Variants in ENOX1 observed in about 807,000 individuals in gnomAD.
ENOX1 encodes the protein ecto-NOX disulfide-thiol exchanger 1.
ENOX1 carries 42 observed loss-of-function variants against 82.5 expected under a neutral mutation model. The observed-to-expected ratio is 0.51, with a 90% CI of 0.40 to 0.66. The LOEUF (loss-of-function observed/expected upper bound fraction) is 0.66. ENOX1 is among the 30% of genes least tolerant of loss of function. The pLI is 0.00. For synonymous variants in ENOX1, 271 were observed against 282.2 expected, an observed-to-expected ratio of 0.96 and a Z score of 0.40; for missense variants, 608 against 811.6, an observed-to-expected ratio of 0.75 and a Z score of 3.05.
intron 15 of ENOX1, among the ~76,000 whole-genome samples, chr13:43,229,418 G>A (rs2042175873): frequency 6.6e-6 from 1 of 152,168 alleles, no homozygotes; most frequent in Non-Finnish European, 1.5e-5. Context: ...CACATACAGT[G>A]CAAAGGCCCT....
At position 43,460,811 on chromosome 13, in the gene ENOX1, AAAAAAAAAAAAAAAAAAAAT is replaced by A. The variant is rs1218382168; in HGVS notation, c.-75+23178_-75+23197del. 7.7e-5 allele frequency among the ~76,000 whole-genome samples: 8 copies of A among 104,142 alleles called. 2 individuals carry two copies. The highest frequency in any genetic ancestry group is 1.4e-4 in the Non-Finnish European group (7 of 51,414). 68.3% of individuals were successfully genotyped at this position (104,142 alleles called of 152,430 possible). On this transcript the variant is annotated intron_variant, in intron 3 of 16. Transcript: ENST00000690772. ...TCCATCTCAAAAAAAAAAAAAAAAA[AAAAAAAAAAAAAAAAAAAAT>A]AGGGATAGCTCTCTACAAACCAAGG...
chr13:43,661,919 G>T (rs1401498404), intron 2 of ENOX1, among the ~76,000 whole-genome samples: 1 of 152,148 alleles, frequency 6.6e-6, no homozygotes. Flanking sequence ...CATTATCTTA[G>T]AAGCCAAATG....
intron 8 of ENOX1, among the ~76,000 whole-genome samples, chr13:43,349,968 T>C (rs1277501447): frequency 6.6e-6 from 1 of 152,146 alleles, no homozygotes; most frequent in African/African-American, 2.4e-5. Context: ...TAGAGATTAC[T>C]ATAGACCCTT....
At chr13:43,616,627 G>T (rs1300118449) in intron 2 of ENOX1, among the ~76,000 whole-genome samples, 6 of 152,212 alleles carry the variant, frequency 3.9e-5, no homozygotes, top group Non-Finnish European at 8.8e-5. Context: ...TTCTGCTCAT[G>T]TGTAAGAAAA....
intron 1 of ENOX1, among the ~76,000 whole-genome samples, chr13:43,671,807 G>A (rs1164764822): frequency 6.6e-6 from 1 of 152,144 alleles, no homozygotes; most frequent in Non-Finnish European, 1.5e-5. Context: ...TCTGAATTCA[G>A]GGACTAGGCT....
chr13:43,728,461 C>T (rs1432804486), intron 1 of ENOX1, among the ~76,000 whole-genome samples: 1 of 152,144 alleles, frequency 6.6e-6, no homozygotes, highest in Non-Finnish European at 1.5e-5. Flanking sequence ...TCTAAGTCCA[C>T]CACAGTACTA....
intron 1 of ENOX1, among the ~76,000 whole-genome samples, chr13:43,754,222 T>C (rs1950510038): frequency 6.7e-6 from 1 of 148,388 alleles, no homozygotes; most frequent in Non-Finnish European, 1.5e-5. Context: ...TGTGTGTACA[T>C]ACATGTGTAT....
chr13:43,549,226 A>G (rs2079089848), intron 2 of ENOX1, among the ~76,000 whole-genome samples: 1 of 152,338 alleles, frequency 6.6e-6, no homozygotes, highest in East Asian at 1.9e-4. Context: ...GTCCACTGTA[A>G]TATCAGTCAC....
chr13:43,318,686 T>C (rs1294144667), intron 11 of ENOX1, among the ~76,000 whole-genome samples: 2 of 152,188 alleles, frequency 1.3e-5, no homozygotes. Flanking sequence ...TGAATTGAAG[T>C]CCACAGACTT....
At chr13:43,391,305 A>G (rs1011443656) in intron 5 of ENOX1, among the ~76,000 whole-genome samples, 3 of 152,126 alleles carry the variant, frequency 2.0e-5, no homozygotes, top group African/African-American at 4.8e-5. Flanking sequence ...AACTGCTGGA[A>G]GTTTTCAAAG....
At chr13:43,715,439 G>A (rs1035013063) in intron 1 of ENOX1, among the ~76,000 whole-genome samples, 6 of 151,844 alleles carry the variant, frequency 4.0e-5, no homozygotes, top group South Asian at 2.1e-4. Flanking sequence ...GGCTCTTCTC[G>A]GAGTATCTTG....
chr13:43,487,171 C>CA lies in ENOX1; in HGVS notation c.-218-3020dup, dbSNP rs79661442. Among the ~76,000 whole-genome samples, 373 of 95,076 alleles carry CA rather than the reference C, an allele frequency of 3.9e-3. 1 individual carries two copies. The highest frequency in any genetic ancestry group is 6.5e-3 in the African/African-American group (159 of 24,328). 62.4% of individuals were successfully genotyped at this position (95,076 alleles called of 152,430 possible). ...TGGGTGACAAAGTGAGACTCTGTCT[C>CA]AAAAAAAAAAAAAAAAGTTAGGAAA... On this transcript the variant is annotated intron_variant, in intron 2 of 16. Transcript: ENST00000690772.
chr13:43,250,512 C>G (rs2043393175), intron 14 of ENOX1, among the ~76,000 whole-genome samples: 1 of 152,174 alleles, frequency 6.6e-6, no homozygotes, highest in Admixed American at 6.5e-5. Flanking sequence ...TGCATATTAT[C>G]CAAATCAATG....
intron 8 of ENOX1, among the ~76,000 whole-genome samples, chr13:43,352,687 T>A (rs1313816255): frequency 6.6e-6 from 1 of 152,214 alleles, no homozygotes; most frequent in Admixed American, 6.5e-5. Flanking sequence ...ATTTTCTTTT[T>A]TAGAATTTGT....
chr13:43,469,623 T>C (rs138467389), intron 3 of ENOX1, among the ~76,000 whole-genome samples: 55 of 152,130 alleles, frequency 3.6e-4, no homozygotes, highest in African/African-American at 1.2e-3. Context: ...AGAAGATCTA[T>C]ATAAATGCAG....
At chr13:43,355,268 T>C (rs1165544170) in intron 8 of ENOX1, among the ~76,000 whole-genome samples, 1 of 152,180 alleles carries the variant, frequency 6.6e-6, no homozygotes, top group Non-Finnish European at 1.5e-5. Flanking sequence ...TATGTCTTTA[T>C]TTCCCACAGC....
At chr13:43,498,273 G>C (rs1009147051) in intron 2 of ENOX1, among the ~76,000 whole-genome samples, 2 of 152,086 alleles carry the variant, frequency 1.3e-5, no homozygotes, top group African/African-American at 4.8e-5. Flanking sequence ...ATTTAGCATA[G>C]TCTGTTAACA....
intron 3 of ENOX1, among the ~76,000 whole-genome samples, chr13:43,415,043 A>G (rs1183448014): frequency 1.3e-5 from 2 of 152,100 alleles, no homozygotes; most frequent in Non-Finnish European, 2.9e-5. Flanking sequence ...CATCGTTTCT[A>G]CCTAATACTT....
intron 2 of ENOX1, among the ~76,000 whole-genome samples, chr13:43,569,006 T>A (rs879408601): frequency 2.0e-5 from 3 of 152,112 alleles, no homozygotes; most frequent in Non-Finnish European, 2.9e-5. Flanking sequence ...ATCAAAAAAA[T>A]GTTTGTTGAA....
Sources: allele counts gnomAD v4.1 joint callset (sites outside exome capture counted in the v4.1 genomes callset), GRCh38; gene constraint gnomAD v4.1.1; transcripts MANE v1.5; gene names NCBI Gene and HGNC (gene_info 2026-07-23, HGNC 2026-07-21).